PTPRN2: variants seen among roughly 807,000 people sequenced by gnomAD.
PTPRN2 encodes the protein receptor-type tyrosine-protein phosphatase N2.
In PTPRN2, 74 loss-of-function variants were observed where a neutral mutation model predicts 118.8. That is an observed-to-expected ratio of 0.62 (90% CI 0.52 to 0.76). The LOEUF is 0.76. Ranked by LOEUF, PTPRN2 falls within the 30% of genes least tolerant of loss-of-function variation. The pLI is 0.00. For missense variants in PTPRN2, 1,481 were observed against 1,394.4 expected, an observed-to-expected ratio of 1.06 and a Z score of -0.99; for synonymous variants, 641 against 608.0, an observed-to-expected ratio of 1.05 and a Z score of -0.80.
intron 13 of PTPRN2, among the ~76,000 whole-genome samples, chr7:157,659,449 G>A (rs1480956060): frequency 1.6e-5 from 2 of 128,134 alleles, no homozygotes; most frequent in Admixed American, 7.8e-5. Flanking sequence ...GGACAGGGGT[G>A]GGAGGATGGT....
intron 10 of PTPRN2, among the ~76,000 whole-genome samples, chr7:158,097,726 G>C (rs115261695): frequency 1.9e-3 from 297 of 152,354 alleles, no homozygotes; most frequent in African/African-American, 6.0e-3. Context: ...GGTCACTGCC[G>C]GTCTGCTGGC....
intron 2 of PTPRN2, among the ~76,000 whole-genome samples, chr7:158,331,364 T>C (rs1417497948): frequency 6.6e-5 from 8 of 121,048 alleles, no homozygotes; most frequent in Non-Finnish European, 8.8e-5. Context: ...CCATAAGAGC[T>C]GACACCCGCA....
intron 2 of PTPRN2, among the ~76,000 whole-genome samples, chr7:158,330,810 G>A (rs1235208303): frequency 9.7e-5 from 10 of 102,840 alleles, no homozygotes; most frequent in South Asian, 4.0e-4. Flanking sequence ...CACCATAAGA[G>A]CTGACACCCG....
At chr7:158,472,872 C>T (rs900799361) in intron 2 of PTPRN2, among the ~76,000 whole-genome samples, 1 of 152,220 alleles carries the variant, frequency 6.6e-6, no homozygotes, top group Middle Eastern at 3.4e-3. Flanking sequence ...GCAGTGGCGG[C>T]GGGGCGGGGG....
In PTPRN2 at chr7:158,167,032, CG is replaced by C. The variant is rs1563548141; in HGVS notation, c.808del (p.Arg270ValfsTer42). ...EGSLEPQYLLRAPSRMPRPLL... is the reference protein window; with the variant it reads ...EGSLEPQYLLXAPSRMPRPLL... Reference sequence around the variant, plus strand: ...AGGCCTGGGCATTCTTGAGGGTGCACGCAGAAGGTACTGTGGCTCCAGGCTG... The same window carrying C: ...AGGCCTGGGCATTCTTGAGGGTGCACCAGAAGGTACTGTGGCTCCAGGCTG... On this transcript the variant is annotated frameshift_variant, in exon 6 of 23. Coordinates refer to ENST00000389418, the MANE Select transcript of PTPRN2 (RefSeq NM_002847.5). LOFTEE classifies it high-confidence loss of function. The C allele has an allele frequency of 6.5e-7, 1 of 1,527,204 alleles. No homozygotes were observed. Among genetic ancestry groups the C allele is most frequent in the Admixed American group, 2.1e-5 (1 of 46,578 alleles). 94.6% of individuals were successfully genotyped at this position (1,527,204 alleles called of 1,614,324 possible).
At chr7:158,363,438 G>A (rs767003928) in intron 2 of PTPRN2, among the ~76,000 whole-genome samples, 1 of 152,122 alleles carries the variant, frequency 6.6e-6, no homozygotes, top group Non-Finnish European at 1.5e-5. Context: ...ACATACAAGT[G>A]AAACTCAGCC....
chr7:158,510,512 T>G (rs2129446989), intron 1 of PTPRN2, among the ~76,000 whole-genome samples: 1 of 152,282 alleles, frequency 6.6e-6, no homozygotes, highest in South Asian at 2.1e-4. Flanking sequence ...TCTCACTCTC[T>G]TCAGTTTTTA....
At chr7:158,280,016 C>A (rs1401328083) in intron 3 of PTPRN2, among the ~76,000 whole-genome samples, 1 of 149,918 alleles carries the variant, frequency 6.7e-6, no homozygotes, top group African/African-American at 2.5e-5. Flanking sequence ...TGCCCCCGAA[C>A]CCACAGAGCC....
Position 157,953,526 on chromosome 7 carries a change from G to T in PTPRN2, c.1724-54789C>A, listed in dbSNP as rs559750519. Among the ~76,000 whole-genome samples the T allele has an allele frequency of 2.6e-5, 4 of 152,218 alleles. No homozygotes were observed. The highest frequency in any genetic ancestry group is 3.9e-4 in the East Asian group (2 of 5,166). Reference sequence around the variant, plus strand: ...TGCTGGCACGGGTGCCTTTGCTGCCGGCTGCTGTCTGTGCTGCCCTGCAAC... The same window carrying T: ...TGCTGGCACGGGTGCCTTTGCTGCCTGCTGCTGTCTGTGCTGCCCTGCAAC... On this transcript the variant is annotated intron_variant, in intron 11 of 22. Transcript: ENST00000389418. The surrounding 1 kb of genome is among the most constrained non-coding windows in gnomAD (Gnocchi z 4.6).
chr7:158,106,136 C>CT (rs1177368654), intron 10 of PTPRN2, among the ~76,000 whole-genome samples: 1 of 152,052 alleles, frequency 6.6e-6, no homozygotes, highest in Non-Finnish European at 1.5e-5. Context: ...TTCATCTCAG[C>CT]TTTTTTTCTG....
chr7:158,190,143 C>T (rs1456543634), intron 5 of PTPRN2, among the ~76,000 whole-genome samples: 1 of 152,164 alleles, frequency 6.6e-6, no homozygotes, highest in African/African-American at 2.4e-5. Flanking sequence ...CTGGGCACTC[C>T]ATGAGGAGCT....
intron 5 of PTPRN2, among the ~76,000 whole-genome samples, chr7:158,178,757 C>A (rs925183114): frequency 1.3e-5 from 2 of 151,970 alleles, no homozygotes; most frequent in African/African-American, 2.4e-5. Flanking sequence ...GCCACCACGC[C>A]TGGCTAATTT....
chr7:158,274,506 C>CCG (rs1437769165), intron 3 of PTPRN2, among the ~76,000 whole-genome samples: 13,493 of 147,020 alleles, frequency 0.092, 792 homozygotes, highest in Middle Eastern at 0.16. Flanking sequence ...ACAGGGGGAG[C>CCG]CACAGGCACG....
intron 11 of PTPRN2, among the ~76,000 whole-genome samples, chr7:158,071,146 G>A (rs1175050072): frequency 1.1e-5 from 1 of 93,026 alleles, no homozygotes; most frequent in Non-Finnish European, 2.2e-5. Flanking sequence ...TGCTCGTGGT[G>A]GTGGAGGTGC....
intron 12 of PTPRN2, among the ~76,000 whole-genome samples, chr7:157,754,450 T>C (rs899101703): frequency 2.0e-5 from 3 of 152,164 alleles, no homozygotes; most frequent in African/African-American, 7.2e-5. Flanking sequence ...GAGGAGGCGG[T>C]GTGGGACCGT....
intron 1 of PTPRN2, chr7:158,539,449 C>G (rs1370121557): frequency 6.6e-6 from 1 of 152,398 alleles, no homozygotes; most frequent in Admixed American, 6.5e-5. Flanking sequence ...CAAATCAGAA[C>G]ATCTGACCCT....
rs892533316 is a variant in PTPRN2 at position 157,801,712 on chromosome 7, C to T, written c.1788+96961G>A. ...TGCCAAATGATATTTAAGAAAAATT[C>T]ACAGGAGAGGCGGCTGCTGAATGCC... is the stretch of plus-strand genomic sequence containing the variant. On this transcript the variant is annotated intron_variant, in intron 12 of 22. Transcript: ENST00000389418. This position sits in a 1 kb window ranked among gnomAD's most constrained non-coding sequence, Gnocchi z 4.2. 3.3e-5 allele frequency among the ~76,000 whole-genome samples: 5 copies of T among 152,086 alleles called. No individual in the cohort carries two copies. The highest frequency in any genetic ancestry group is 1.2e-4 in the African/African-American group (5 of 41,428).
chr7:158,138,832 G>A lies in PTPRN2; in HGVS notation c.911-317C>T, dbSNP rs148678821. On this transcript the variant is annotated intron_variant, in intron 6 of 22. Transcript: ENST00000389418. Reference sequence around the variant, plus strand: ...CTGGAATGACCAAGCCAGGAAGAGAGATGGGCTAGGCAACTTCACCATGTC... The same window carrying A: ...CTGGAATGACCAAGCCAGGAAGAGAAATGGGCTAGGCAACTTCACCATGTC... Among the ~76,000 whole-genome samples the A allele has an allele frequency of 6.6e-3, 1,005 of 152,344 alleles. 17 individuals carry two copies. The highest frequency in any genetic ancestry group is 0.023 in the African/African-American group (936 of 41,576).
At chr7:158,024,208 G>A (rs892578458) in intron 11 of PTPRN2, among the ~76,000 whole-genome samples, 5 of 152,154 alleles carry the variant, frequency 3.3e-5, no homozygotes, top group African/African-American at 7.2e-5. Context: ...GCTCTAGAGC[G>A]GTGAGGTTCC....
Sources: gnomAD v4.1 joint callset for allele counts (sites outside exome capture counted in the v4.1 genomes callset) on GRCh38, gnomAD v4.1.1 for gene constraint, Gnocchi (gnomAD v3.1) non-coding constraint, MANE v1.5 for transcripts, NCBI Gene and HGNC (gene_info 2026-07-23, HGNC 2026-07-21) for gene names.